Variants in ESF1 observed in about 807,000 individuals in gnomAD.
The protein encoded by ESF1 is ESF1 nucleolar pre-rRNA processing protein.
ESF1 carries 58 observed loss-of-function variants against 92.0 expected under a neutral mutation model. That is an observed-to-expected ratio of 0.63 (90% CI 0.51 to 0.78). The LOEUF (loss-of-function observed/expected upper bound fraction) is 0.78, where lower values mean the gene tolerates loss of function less well. Among genes scored for constraint, ESF1 ranks in the 30% least tolerant of loss-of-function variants. ESF1 has a pLI of 0.00. For synonymous variants in ESF1, 321 were observed against 313.7 expected, an observed-to-expected ratio of 1.02 and a Z score of -0.24; for missense variants, 922 against 989.1, an observed-to-expected ratio of 0.93 and a Z score of 0.91.
intron 2 of ESF1, among the ~76,000 whole-genome samples, chr20:13,779,243 T>A (rs1282449957): frequency 1.3e-5 from 2 of 152,078 alleles, no homozygotes; most frequent in Admixed American, 1.3e-4. Flanking sequence ...AAAACTGCTT[T>A]ACCATTTTCC....
chr20:13,754,575 G>GA (rs993655388), intron 9 of ESF1, among the ~76,000 whole-genome samples: 38 of 149,926 alleles, frequency 2.5e-4, no homozygotes, highest in Non-Finnish European at 2.2e-4. Context: ...CTTAATGTAT[G>GA]AAAAAAAAAA....
chr20:13,782,896 G>A lies in ESF1; in HGVS notation c.245C>T (p.Ser82Phe). Residue 82 changes from serine to phenylalanine, a missense_variant, in exon 2 of 14, where the codon TCT (serine) becomes TTT (phenylalanine). By Grantham distance (155) the Ser-to-Phe change is radical. Coordinates refer to ENST00000617257, the MANE Select transcript of ESF1 (RefSeq NM_001276380.2). ...ACTCAATGCTTTGCTATCTTCACCA[G>A]AGAGATTGGAATCAGAATCTGAAAG... ...YDLSDSDSNL[S>F]GEDSKALSQK... The A allele has an allele frequency of 3.1e-6, 5 of 1,613,838 alleles. No homozygotes were observed. Among genetic ancestry groups the A allele is most frequent in the Non-Finnish European group, 4.2e-6 (5 of 1,179,994 alleles).
At chr20:13,720,166 C>T (rs141732379) in intron 11 of ESF1, among the ~76,000 whole-genome samples, 12 of 152,264 alleles carry the variant, frequency 7.9e-5, no homozygotes, top group African/African-American at 2.9e-4. Context: ...TACACTGTGT[C>T]TCCTTTCCTT....
chr20:13,770,877 T>A (rs1191594437), intron 6 of ESF1, among the ~76,000 whole-genome samples: 1 of 152,222 alleles, frequency 6.6e-6, no homozygotes, highest in Non-Finnish European at 1.5e-5. Flanking sequence ...GGAACAATTA[T>A]TTGAAATATG....
chr20:13,782,892 A>G lies in ESF1; in HGVS notation c.249T>C (p.Gly83=), dbSNP rs751023306. The change falls in exon 2 of 14, where the codon GGT becomes GGC. Residue 83 remains glycine (G), a synonymous_variant. Coordinates refer to ENST00000617257, the MANE Select transcript of ESF1 (RefSeq NM_001276380.2). ...TTTGACTCAATGCTTTGCTATCTTC[A>G]CCAGAGAGATTGGAATCAGAATCTG... ...DLSDSDSNLS[G]EDSKALSQKK... The G allele has an allele frequency of 3.1e-6, 5 of 1,613,816 alleles. No individual in the cohort carries two copies. In the African/African-American group the frequency reaches 4.0e-5, roughly 13 times the overall value.
At chr20:13,731,070 A>G (rs1481087223) in intron 10 of ESF1, among the ~76,000 whole-genome samples, 1 of 152,168 alleles carries the variant, frequency 6.6e-6, no homozygotes, top group Non-Finnish European at 1.5e-5. Flanking sequence ...TGTATTTTGA[A>G]TGCTGCTGAC....
chr20:13,780,092 G>A (rs1360128062), intron 2 of ESF1, among the ~76,000 whole-genome samples: 4 of 152,128 alleles, frequency 2.6e-5, no homozygotes, highest in Non-Finnish European at 5.9e-5. Flanking sequence ...CCTTATTTAT[G>A]AGTAATGCCT....
At chr20:13,739,171 G>T (rs1356125447) in intron 9 of ESF1, among the ~76,000 whole-genome samples, 1 of 152,148 alleles carries the variant, frequency 6.6e-6, no homozygotes, top group East Asian at 1.9e-4. Context: ...CCCAAAGTAT[G>T]TGATCAATGA....
intron 9 of ESF1, among the ~76,000 whole-genome samples, chr20:13,753,534 C>T (rs1259005851): frequency 6.6e-6 from 1 of 151,474 alleles, no homozygotes; most frequent in African/African-American, 2.4e-5. Flanking sequence ...CACAGATGCT[C>T]TTCTCATTTT....
At chr20:13,721,492 C>T (rs1351516381) in intron 11 of ESF1, among the ~76,000 whole-genome samples, 2 of 152,110 alleles carry the variant, frequency 1.3e-5, no homozygotes, top group Non-Finnish European at 1.5e-5. Context: ...AGGTGACACA[C>T]AAACAATGAC....
chr20:13,764,277 G>A (rs1432777128), intron 8 of ESF1, among the ~76,000 whole-genome samples: 3 of 152,148 alleles, frequency 2.0e-5, no homozygotes, highest in Non-Finnish European at 2.9e-5. Context: ...TATTAGATAA[G>A]AAGAATGAAG....
intron 12 of ESF1, among the ~76,000 whole-genome samples, chr20:13,717,955 G>GTTTTTTTTTT (rs2049841478): frequency 7.0e-6 from 1 of 143,046 alleles, no homozygotes; most frequent in African/African-American, 2.6e-5. Flanking sequence ...TTTTTTTTTT[G>GTTTTTTTTTT]CTTTTTTTTT....
At chr20:13,734,813 C>T (rs897218778) in intron 9 of ESF1, among the ~76,000 whole-genome samples, 17 of 152,038 alleles carry the variant, frequency 1.1e-4, no homozygotes, top group African/African-American at 4.1e-4. Flanking sequence ...TTCTCAGATA[C>T]ATTCTAAATT....
rs1311776873 is a variant in ESF1 at position 13,759,677 on chromosome 20, G to A, written c.1828+15C>T. 2 of 1,568,930 alleles carry A rather than the reference G, an allele frequency of 1.3e-6. No individual in the cohort carries two copies. The highest frequency in any genetic ancestry group is 2.8e-5 in the African/African-American group (2 of 71,664). On this transcript the variant is annotated intron_variant, in intron 9 of 13. Coordinates refer to ENST00000617257, the MANE Select transcript of ESF1 (RefSeq NM_001276380.2). The stretch of plus-strand genomic sequence containing the variant: ...AAATTCGAAAAAGAGAAAACATTTA[G>A]TATCTAATTCTTACCTGGAACCCAT...
intron 10 of ESF1, among the ~76,000 whole-genome samples, chr20:13,731,216 T>G (rs1410496038): frequency 3.3e-5 from 5 of 152,192 alleles, no homozygotes; most frequent in Non-Finnish European, 7.3e-5. Flanking sequence ...GAGGGCCCAC[T>G]TGAGACATCT....
intron 9 of ESF1, among the ~76,000 whole-genome samples, chr20:13,750,233 A>T (rs1978567491): frequency 6.6e-6 from 1 of 152,160 alleles, no homozygotes; most frequent in African/African-American, 2.4e-5. Flanking sequence ...GGCTGGGCCC[A>T]GTGGCTCACG....
At chr20:13,769,576 A>T (rs930981713) in intron 7 of ESF1, among the ~76,000 whole-genome samples, 5 of 152,198 alleles carry the variant, frequency 3.3e-5, no homozygotes, top group Non-Finnish European at 7.4e-5. Context: ...ACTTGAGGTC[A>T]GGAGTTCAAG....
intron 9 of ESF1, among the ~76,000 whole-genome samples, chr20:13,756,529 T>C (rs547113875): frequency 6.6e-6 from 1 of 152,242 alleles, no homozygotes; most frequent in Admixed American, 6.5e-5. Flanking sequence ...AAAGTATTCA[T>C]GCCCTTTCTT....
rs542863848 is a variant in ESF1, at chr20:13,715,699, G to A, written c.2263-532C>T. On this transcript the variant is annotated intron_variant, in intron 13 of 13. Transcript: ENST00000617257. ...ATAATCCATCTGAGATCAAGGTCTG[G>A]TCAGACACAAGCCCCAGATTTATCT... Among the ~76,000 whole-genome samples, 36 of 152,278 alleles carry A rather than the reference G, an allele frequency of 2.4e-4. 1 individual carries two copies. Among genetic ancestry groups the A allele is most frequent in the Non-Finnish European group, 3.2e-4 (22 of 68,018 alleles).
Sources: gnomAD v4.1 joint callset for allele counts (sites outside exome capture counted in the v4.1 genomes callset) on GRCh38, gnomAD v4.1.1 for gene constraint, MANE v1.5 for transcripts, NCBI Gene and HGNC (gene_info 2026-07-23, HGNC 2026-07-21) for gene names.